The following CFAP47 variants were observed in gnomAD, a reference collection of about 807,000 sequenced individuals.
The protein encoded by CFAP47 is cilia- and flagella-associated protein 47.
Under a neutral mutation model 148.1 loss-of-function variants are expected in CFAP47, and 29 were observed. That is an observed-to-expected ratio of 0.20 (90% CI 0.15 to 0.27). The LOEUF (loss-of-function observed/expected upper bound fraction) is 0.27. Ranked by LOEUF, CFAP47 falls within the 10% of genes least tolerant of loss-of-function variation. The pLI, the probability that CFAP47 is intolerant of heterozygous loss-of-function variation, is 1.00. For missense variants in CFAP47, 1,872 were observed against 1,697.5 expected (o/e 1.10, Z -1.81); for synonymous variants, 664 against 577.3 (o/e 1.15, Z -2.15).
intron 57 of CFAP47, among the ~76,000 whole-genome samples, chrX:36,329,639 T>C (rs938531394): frequency 4.4e-5 from 5 of 112,443 alleles, no homozygotes; most frequent in Non-Finnish European, 7.5e-5. Context: ...ATATCATTTC[T>C]GGCATTATTT....
chrX:35,928,015 GTA>G (rs1394858953), intron 2 of CFAP47, among the ~76,000 whole-genome samples: 2 of 99,900 alleles, frequency 2.0e-5, no homozygotes, highest in African/African-American at 3.7e-5. Flanking sequence ...ATATATATAT[GTA>G]TATATATATA....
chrX:36,192,764 A>G (rs1387091142), intron 42 of CFAP47, among the ~76,000 whole-genome samples: 1 of 111,862 alleles, frequency 8.9e-6, no homozygotes, highest in Non-Finnish European at 1.9e-5. Context: ...AACCTTGCTT[A>G]GAACAAATTG....
chrX:36,193,682 A>G (rs781894211), intron 42 of CFAP47, among the ~76,000 whole-genome samples: 1 of 111,146 alleles, frequency 9.0e-6, no homozygotes, highest in South Asian at 3.8e-4. Context: ...GTCTCTGTCA[A>G]TGTGGCATAT....
intron 39 of CFAP47, among the ~76,000 whole-genome samples, chrX:36,175,472 T>C (rs1299692375): frequency 9.0e-6 from 1 of 111,591 alleles, no homozygotes; most frequent in Non-Finnish European, 1.9e-5. Context: ...TACAGATTGG[T>C]TTTTGGTGTG....
At chrX:36,038,620 T>C (rs762555468) in intron 24 of CFAP47, among the ~76,000 whole-genome samples, 26 of 111,991 alleles carry the variant, frequency 2.3e-4, no homozygotes, top group African/African-American at 8.4e-4. Flanking sequence ...TCTATCCTCA[T>C]CTTCATACTG....
At chrX:36,170,449 C>G (rs974755894) in intron 39 of CFAP47, among the ~76,000 whole-genome samples, 2 of 109,249 alleles carry the variant, frequency 1.8e-5, no homozygotes, top group East Asian at 2.9e-4. Flanking sequence ...CCTCCCTCCT[C>G]CCCCGACCCC....
chrX:36,098,919 G>T (rs1391384100), intron 31 of CFAP47, 45 bp downstream of exon 31: 1 of 680,666 alleles, frequency 1.5e-6, no homozygotes, highest in Non-Finnish European at 2.2e-6. Flanking sequence ...AGTTATTATT[G>T]TATGTACTGG....
At chrX:36,316,148 A>G (rs1941431991) in intron 56 of CFAP47, among the ~76,000 whole-genome samples, 1 of 112,144 alleles carries the variant, frequency 8.9e-6, no homozygotes, top group Non-Finnish European at 1.9e-5. Flanking sequence ...CTAACTGTTC[A>G]CCTAGTTATA....
intron 32 of CFAP47, among the ~76,000 whole-genome samples, chrX:36,103,050 A>T (rs189521697): frequency 1.8e-5 from 2 of 111,485 alleles, no homozygotes; most frequent in African/African-American, 6.5e-5. Context: ...TATTTGAAAC[A>T]CTGTATGGCA....
At chrX:36,112,077 G>T in intron 33 of CFAP47, among the ~76,000 whole-genome samples, 1 of 110,869 alleles carries the variant, frequency 9.0e-6, no homozygotes, top group East Asian at 2.8e-4. Flanking sequence ...CTTTTGAATG[G>T]TTTTTTGTGC....
In CFAP47 at chrX:35,940,515, T is replaced by C. The variant is rs1295359706; in HGVS notation, c.402-768T>C. 5.4e-5 allele frequency among the ~76,000 whole-genome samples: 6 copies of C among 111,542 alleles called. No homozygotes were observed. The East Asian group carries it at 1.7e-3, about 31-fold the overall frequency. ...GTTGTCCTCAGAGGTCAACTGTCTT[T>C]ATATGCTGTGGTGTGTATGAAGCCA... On this transcript the variant is annotated intron_variant, in intron 2 of 63. Transcript: ENST00000378653.
intron 22 of CFAP47, among the ~76,000 whole-genome samples, chrX:36,020,366 A>G (rs748602305): frequency 5.4e-5 from 6 of 112,034 alleles, no homozygotes; most frequent in Non-Finnish European, 1.1e-4. Context: ...TCTATAGTGT[A>G]GATTAAGTCA....
intron 16 of CFAP47, chrX:35,990,081 G>A (rs1282531513): frequency 9.0e-6 from 1 of 111,309 alleles, no homozygotes; most frequent in Non-Finnish European, 1.9e-5. Context: ...AGTATAACAT[G>A]CATATGTATA....
chrX:36,046,922 C>T lies in CFAP47; in HGVS notation c.4076C>T (p.Ser1359Phe). Residue 1359 changes from serine to phenylalanine, a missense_variant, in exon 26 of 64, where the codon TCT (serine) becomes TTT (phenylalanine). Coordinates refer to ENST00000378653, the MANE Select transcript of CFAP47 (RefSeq NM_001304548.2). ...LLDGEEIHPLSVKFPKGRVIP... is the reference protein window; with the variant it reads ...LLDGEEIHPLFVKFPKGRVIP... ...GATGGTGAAGAGATTCACCCTCTTT[C>T]TGTGAAATTTCCAAAAGGCAGAGTC... is the stretch of plus-strand genomic sequence containing the variant. 8.6e-7 allele frequency: 1 copy of T among 1,164,574 alleles called. No homozygotes were observed. Among genetic ancestry groups the T allele is most frequent in the Non-Finnish European group, 1.1e-6 (1 of 871,154 alleles).
chrX:36,138,325 G>T (rs200873109), intron 34 of CFAP47, 23 bp from the exon 35 acceptor site: 4 of 1,063,908 alleles, frequency 3.8e-6, no homozygotes, highest in East Asian at 6.9e-5. Flanking sequence ...TTACCAAAAG[G>T]TTTGATTTTT....
chrX:36,222,216 G>A (rs931653763), intron 45 of CFAP47, among the ~76,000 whole-genome samples: 4 of 111,636 alleles, frequency 3.6e-5, no homozygotes, highest in Non-Finnish European at 5.7e-5. Flanking sequence ...AGGTTGGTCC[G>A]GCAGAAAGGA....
At chrX:36,158,941 T>A (rs1939399419) in intron 37 of CFAP47, among the ~76,000 whole-genome samples, 1 of 112,115 alleles carries the variant, frequency 8.9e-6, no homozygotes, top group Non-Finnish European at 1.9e-5. Context: ...TTAAGGAGGA[T>A]GAAAATATTT....
intron 62 of CFAP47, among the ~76,000 whole-genome samples, chrX:36,376,683 T>A (rs2147004346): frequency 9.0e-6 from 1 of 111,357 alleles, no homozygotes; most frequent in Non-Finnish European, 1.9e-5. Flanking sequence ...TGCAGGTTTG[T>A]TACATATGTA....
intron 26 of CFAP47, among the ~76,000 whole-genome samples, chrX:36,049,540 T>C (rs1937507625): frequency 9.1e-6 from 1 of 109,512 alleles, no homozygotes; most frequent in Non-Finnish European, 1.9e-5. Context: ...GTGAAACTTC[T>C]GTGTTCCACA....
Sources: gnomAD v4.1 joint callset for allele counts (sites outside exome capture counted in the v4.1 genomes callset) on GRCh38, gnomAD v4.1.1 for gene constraint, MANE v1.5 for transcripts, NCBI Gene and HGNC (gene_info 2026-07-23, HGNC 2026-07-21) for gene names.